PTPRR: variants seen among roughly 807,000 people sequenced by gnomAD.
PTPRR encodes receptor-type tyrosine-protein phosphatase R.
In PTPRR, 38 loss-of-function variants were observed where a neutral mutation model predicts 77.2. The observed-to-expected ratio is 0.49, with a 90% CI of 0.38 to 0.65. The LOEUF is 0.65. Ranked by LOEUF, PTPRR falls within the 30% of genes least tolerant of loss-of-function variation. The probability of loss-of-function intolerance (pLI) is 0.00; values close to 1 mark genes in which losing one functional copy is unlikely to be tolerated. For missense variants in PTPRR, 744 were observed against 799.2 expected (o/e 0.93, Z 0.83); for synonymous variants, 299 against 283.1 (o/e 1.06, Z -0.57).
intron 10 of PTPRR, among the ~76,000 whole-genome samples, chr12:70,680,595 C>T (rs1887618396): frequency 6.6e-6 from 1 of 152,062 alleles, no homozygotes; most frequent in African/African-American, 2.4e-5. Flanking sequence ...CTGGTGAGCA[C>T]AAGAACAAAT....
chr12:70,751,892 C>A (rs749666195), intron 5 of PTPRR, among the ~76,000 whole-genome samples: 5 of 151,648 alleles, frequency 3.3e-5, no homozygotes, highest in African/African-American at 4.9e-5. Flanking sequence ...AGAGCTCATT[C>A]TTCATACCTT....
chr12:70,861,410 T>A (rs1337026886), intron 2 of PTPRR, among the ~76,000 whole-genome samples: 1 of 152,154 alleles, frequency 6.6e-6, no homozygotes, highest in Non-Finnish European at 1.5e-5. Flanking sequence ...CCCAAACGCT[T>A]TTGTTATGGT....
chr12:70,756,719 T>C (rs1890572688), intron 4 of PTPRR, among the ~76,000 whole-genome samples: 1 of 152,180 alleles, frequency 6.6e-6, no homozygotes, highest in Admixed American at 6.5e-5. Flanking sequence ...CAATGGCTTC[T>C]CTATATCCTG....
chr12:70,662,768 T>G (rs150740100), intron 10 of PTPRR, among the ~76,000 whole-genome samples, 163 bp from the exon 11 acceptor site: 238 of 152,316 alleles, frequency 1.6e-3, no homozygotes, highest in African/African-American at 5.5e-3. Flanking sequence ...ATTGTAAATC[T>G]TAAGCAGCTA....
At chr12:70,796,706 TAA>T (rs11344346) in intron 2 of PTPRR, among the ~76,000 whole-genome samples, 2 of 151,606 alleles carry the variant, frequency 1.3e-5, no homozygotes, top group African/African-American at 2.4e-5. Context: ...ATATGTATAT[TAA>T]AAAAAAATCC....
At chr12:70,749,038 T>C (rs1890305221) in intron 5 of PTPRR, among the ~76,000 whole-genome samples, 1 of 152,212 alleles carries the variant, frequency 6.6e-6, no homozygotes, top group African/African-American at 2.4e-5. Context: ...GTGGCACACA[T>C]TTACCAGTTC....
At chr12:70,822,231 A>G (rs568298032) in intron 2 of PTPRR, among the ~76,000 whole-genome samples, 17 of 152,194 alleles carry the variant, frequency 1.1e-4, no homozygotes, top group Non-Finnish European at 2.1e-4. Context: ...ATAAAACCTG[A>G]ACAGTCTGGA....
At chr12:70,670,690 G>A (rs574131768) in intron 10 of PTPRR, among the ~76,000 whole-genome samples, 1 of 152,284 alleles carries the variant, frequency 6.6e-6, no homozygotes, top group East Asian at 1.9e-4. Flanking sequence ...CGCTGGAAGT[G>A]TGCAAAAACT....
intron 2 of PTPRR, among the ~76,000 whole-genome samples, chr12:70,860,396 C>T (rs1427524103): frequency 2.0e-5 from 3 of 152,020 alleles, no homozygotes; most frequent in African/African-American, 4.8e-5. Flanking sequence ...TTCAGACTGC[C>T]TTTCAATTAA....
At chr12:70,673,049 A>G in intron 10 of PTPRR, 1 of 686,592 alleles carries the variant, frequency 1.5e-6, no homozygotes, top group African/African-American at 4.5e-5. Context: ...AAAAAAAAAA[A>G]GAAAGAAAGA....
intron 2 of PTPRR, among the ~76,000 whole-genome samples, chr12:70,770,241 A>C (rs1890938476): frequency 6.6e-6 from 1 of 151,048 alleles, no homozygotes; most frequent in South Asian, 2.1e-4. Context: ...AATGGGAGAA[A>C]ATTTTCGCAA....
At chr12:70,700,844 C>G (rs950174481) in intron 7 of PTPRR, among the ~76,000 whole-genome samples, 3 of 152,150 alleles carry the variant, frequency 2.0e-5, no homozygotes, top group African/African-American at 7.2e-5. Context: ...GTTTAATTCC[C>G]CAGACAGTGA....
intron 1 of PTPRR, among the ~76,000 whole-genome samples, chr12:70,919,862 CT>C (rs1893829345): frequency 2.0e-5 from 3 of 152,088 alleles, no homozygotes; most frequent in Non-Finnish European, 4.4e-5. Flanking sequence ...GTATTTCGAT[CT>C]TTTGGGCGGA....
At chr12:70,828,296 T>C (rs563614067) in intron 2 of PTPRR, among the ~76,000 whole-genome samples, 1 of 152,218 alleles carries the variant, frequency 6.6e-6, no homozygotes, top group Admixed American at 6.5e-5. Context: ...CCTTTGTCCT[T>C]TGGGAACTTC....
intron 13 of PTPRR, among the ~76,000 whole-genome samples, chr12:70,653,967 G>A (rs1349401699): frequency 1.3e-5 from 2 of 152,268 alleles, no homozygotes; most frequent in African/African-American, 4.8e-5. Flanking sequence ...GGGAAGATAC[G>A]GTTAGAAAGA....
At chr12:70,867,155 C>G (rs1226218125) in intron 2 of PTPRR, among the ~76,000 whole-genome samples, 1 of 150,974 alleles carries the variant, frequency 6.6e-6, no homozygotes, top group South Asian at 2.1e-4. Flanking sequence ...TCTCTCACCA[C>G]TCCTATTCAA....
At chr12:70,851,820 C>G (rs1892576089) in intron 2 of PTPRR, among the ~76,000 whole-genome samples, 1 of 152,130 alleles carries the variant, frequency 6.6e-6, no homozygotes. Flanking sequence ...AAAAGAAGTA[C>G]ACGCTGGAAT....
intron 2 of PTPRR, among the ~76,000 whole-genome samples, chr12:70,827,070 C>G (rs187009822): frequency 6.6e-6 from 1 of 152,320 alleles, no homozygotes; most frequent in African/African-American, 2.4e-5. Flanking sequence ...TTCTTACAGC[C>G]AAACCTCAGC....
At chr12:70,880,631 T>C (rs1462619923) in intron 2 of PTPRR, among the ~76,000 whole-genome samples, 1 of 152,226 alleles carries the variant, frequency 6.6e-6, no homozygotes, top group Admixed American at 6.5e-5. Flanking sequence ...TCTTGTTCCC[T>C]ATTGTATCCC....
Sources: allele counts gnomAD v4.1 joint callset (sites outside exome capture counted in the v4.1 genomes callset), GRCh38; gene constraint gnomAD v4.1.1; transcripts MANE v1.5; gene names NCBI Gene and HGNC (gene_info 2026-07-23, HGNC 2026-07-21).